ULK4: variants seen among roughly 807,000 people sequenced by gnomAD.
The protein encoded by ULK4 is inactive serine/threonine-protein kinase ULK4.
ULK4 carries 133 observed loss-of-function variants against 160.6 expected under a neutral mutation model. That is an observed-to-expected ratio of 0.83 (90% CI 0.72 to 0.96). The LOEUF is 0.96. Ranked by LOEUF, ULK4 falls within the 40% of genes least tolerant of loss-of-function variation. The probability of loss-of-function intolerance (pLI) is 0.00; values close to 1 mark genes in which losing one functional copy is unlikely to be tolerated. For synonymous variants in ULK4, 534 were observed against 539.8 expected, an observed-to-expected ratio of 0.99 and a Z score of 0.15; for missense variants, 1,580 against 1,499.5, an observed-to-expected ratio of 1.05 and a Z score of -0.89.
At chr3:41,300,943 T>G (rs1209930886) in intron 35 of ULK4, among the ~76,000 whole-genome samples, 1 of 144,586 alleles carries the variant, frequency 6.9e-6, no homozygotes, top group African/African-American at 2.6e-5. Flanking sequence ...GGGAAGTGGT[T>G]GAATACAGAT....
chr3:41,541,613 T>C (rs913466318), intron 32 of ULK4, among the ~76,000 whole-genome samples: 5 of 152,176 alleles, frequency 3.3e-5, no homozygotes, highest in Non-Finnish European at 5.9e-5. Context: ...ACAAATTACT[T>C]TGGGAAGTAT....
intron 35 of ULK4, among the ~76,000 whole-genome samples, chr3:41,276,191 C>G (rs188663634): frequency 6.6e-6 from 1 of 152,338 alleles, no homozygotes; most frequent in African/African-American, 2.4e-5. Context: ...CTTTCATTCT[C>G]CTATAGTTAT....
At chr3:41,326,132 G>A (rs1486551568) in intron 35 of ULK4, among the ~76,000 whole-genome samples, 1 of 152,062 alleles carries the variant, frequency 6.6e-6, no homozygotes. Flanking sequence ...CCATAAGCAT[G>A]GGCAGGGGGG....
intron 35 of ULK4, among the ~76,000 whole-genome samples, chr3:41,365,504 C>T (rs1011905287): frequency 6.6e-6 from 1 of 152,132 alleles, no homozygotes; most frequent in Non-Finnish European, 1.5e-5. Context: ...ATAATGACAA[C>T]AGCAATTAAT....
chr3:41,502,968 TA>T (rs770138134), intron 32 of ULK4, among the ~76,000 whole-genome samples: 1 of 151,898 alleles, frequency 6.6e-6, no homozygotes, highest in Non-Finnish European at 1.5e-5. Flanking sequence ...TTAATTGCTG[TA>T]AAAAAAGATG....
chr3:41,328,708 C>T (rs1464458385), intron 35 of ULK4, among the ~76,000 whole-genome samples: 1 of 151,986 alleles, frequency 6.6e-6, no homozygotes. Context: ...AGTGGACAAT[C>T]CCTTACAGTT....
chr3:41,783,657 T>TACCACTGTGCCCAG (rs2039919304), intron 21 of ULK4, among the ~76,000 whole-genome samples: 1 of 152,152 alleles, frequency 6.6e-6, no homozygotes, highest in South Asian at 2.1e-4. Context: ...TACAGGTGCA[T>TACCACTGTGCCCAG]ACCACTGTGC....
In ULK4 at chr3:41,878,675, T is replaced by TAAAA. The variant is rs33987084; in HGVS notation, c.1656+5195_1656+5198dup. On this transcript the variant is annotated intron_variant, in intron 17 of 36. Coordinates refer to ENST00000301831, the MANE Select transcript of ULK4 (RefSeq NM_017886.4). The stretch of plus-strand genomic sequence containing the variant: ...AATAATCGATTGATGTTAAAACTGT[T>TAAAA]AAAAAAAAAAAAAAAAAAAAAGAGT... Among the ~76,000 whole-genome samples the TAAAA allele has an allele frequency of 4.0e-3, 382 of 95,886 alleles. 2 individuals carry two copies. The highest frequency in any genetic ancestry group is 7.1e-3 in the African/African-American group (175 of 24,802). The allele number at this position is 95,886 out of a possible 152,430, so 62.9% of individuals were successfully genotyped here.
intron 35 of ULK4, among the ~76,000 whole-genome samples, chr3:41,346,589 G>T (rs998901340): frequency 1.8e-4 from 28 of 152,162 alleles, no homozygotes; most frequent in Non-Finnish European, 1.5e-5. Flanking sequence ...GCTGAAAGGG[G>T]TATGGAGAAA....
chr3:41,821,260 C>T (rs1374100131), intron 18 of ULK4, among the ~76,000 whole-genome samples: 1 of 152,190 alleles, frequency 6.6e-6, no homozygotes, highest in Non-Finnish European at 1.5e-5. Context: ...CAACTGGGCC[C>T]TTAGAGAAGG....
In ULK4 at chr3:41,881,964, T is replaced by C. The variant is rs187620712; in HGVS notation, c.1656+1910A>G. On this transcript the variant is annotated intron_variant, in intron 17 of 36. Transcript: ENST00000301831. ...GTAACAAATATGGTTCAGGAACTGC[T>C]GGGCCAAACTCTCCAAGTGGGAGTA... Among the ~76,000 whole-genome samples, 471 of 152,264 alleles carry C rather than the reference T, an allele frequency of 3.1e-3. 1 individual carries two copies. Among genetic ancestry groups the C allele is most frequent in the African/African-American group, 0.011 (447 of 41,538 alleles).
chr3:41,909,628 T>G (rs1575930761), intron 11 of ULK4, among the ~76,000 whole-genome samples: 1 of 151,988 alleles, frequency 6.6e-6, no homozygotes, highest in African/African-American at 2.4e-5. Context: ...GACATGAGAA[T>G]CGCTTGAACC....
chr3:41,445,433 A>G (rs56362632), intron 34 of ULK4, among the ~76,000 whole-genome samples: 1 of 152,362 alleles, frequency 6.6e-6, no homozygotes, highest in South Asian at 2.1e-4. Context: ...CTAAGCCAAA[A>G]GAACAAAGCT....
At chr3:41,426,562 C>T (rs569245906) in intron 34 of ULK4, among the ~76,000 whole-genome samples, 1 of 151,320 alleles carries the variant, frequency 6.6e-6, no homozygotes, top group South Asian at 2.1e-4. Context: ...TGAAATTACA[C>T]CAGTCTCTCT....
intron 34 of ULK4, among the ~76,000 whole-genome samples, chr3:41,446,690 A>G (rs1164241588): frequency 7.6e-6 from 1 of 132,024 alleles, no homozygotes; most frequent in African/African-American, 2.8e-5. Context: ...GAACACATGG[A>G]CACAGGAAGG....
intron 30 of ULK4, among the ~76,000 whole-genome samples, chr3:41,621,790 G>C (rs1359348669): frequency 6.6e-6 from 1 of 152,112 alleles, no homozygotes; most frequent in African/African-American, 2.4e-5. Flanking sequence ...AAAGAGCTCT[G>C]CAAAGCAAAA....
At chr3:41,677,881 C>A (rs1190324055) in intron 29 of ULK4, among the ~76,000 whole-genome samples, 1 of 152,060 alleles carries the variant, frequency 6.6e-6, no homozygotes, top group Non-Finnish European at 1.5e-5. Context: ...CTGAGGGAAG[C>A]AAATGGTCCT....
Position 41,789,719 on chromosome 3 carries a change from G to A in ULK4, c.2135C>T (p.Thr712Ile), listed in dbSNP as rs938230626. The change falls in exon 21 of 37, where the codon ACC becomes ATC. Residue 712 changes from threonine (T) to isoleucine (I), a missense_variant. By Grantham distance (89) the Thr-to-Ile change is moderately conservative. Transcript: ENST00000301831. ...AICKVQQYML[T>I]LFAAMLSCGI... Reference sequence around the variant, plus strand: ...ACAGGACAACATGGCAGCGAATAAGGTCAACATGTACTGCTGAACTTTGCA... The same window carrying A: ...ACAGGACAACATGGCAGCGAATAAGATCAACATGTACTGCTGAACTTTGCA... 4 of 1,612,946 alleles carry A rather than the reference G, an allele frequency of 2.5e-6. No individual in the cohort carries two copies. The highest frequency in any genetic ancestry group is 3.4e-6 in the Non-Finnish European group (4 of 1,179,506).
At chr3:41,599,181 G>T (rs1318465392) in intron 31 of ULK4, among the ~76,000 whole-genome samples, 8 of 152,172 alleles carry the variant, frequency 5.3e-5, no homozygotes, top group African/African-American at 2.4e-5. Context: ...GTTTAGGTCA[G>T]CTGATTAGGA....
Sources: gnomAD v4.1 joint callset for allele counts (sites outside exome capture counted in the v4.1 genomes callset) on GRCh38, gnomAD v4.1.1 for gene constraint, MANE v1.5 for transcripts, NCBI Gene and HGNC (gene_info 2026-07-23, HGNC 2026-07-21) for gene names.